The following MYLK3 variants were observed in gnomAD, a reference collection of about 807,000 sequenced individuals.
MYLK3 encodes the protein myosin light chain kinase 3.
MYLK3 carries 55 observed loss-of-function variants against 76.3 expected under a neutral mutation model. The observed-to-expected ratio is 0.72, with a 90% confidence interval of 0.58 to 0.90. MYLK3 has a LOEUF of 0.90. Among genes scored for constraint, MYLK3 ranks in the 40% least tolerant of loss-of-function variants. The probability of loss-of-function intolerance (pLI) is 0.00; values close to 1 mark genes in which losing one functional copy is unlikely to be tolerated. For missense variants in MYLK3, 973 were observed against 1,053.6 expected, an observed-to-expected ratio of 0.92 and a Z score of 1.06; for synonymous variants, 416 against 425.4, an observed-to-expected ratio of 0.98 and a Z score of 0.27.
At chr16:46,709,471 G>A in intron 12 of MYLK3, 68 bp downstream of exon 12, 1 of 1,484,428 alleles carries the variant, frequency 6.7e-7, no homozygotes, top group East Asian at 2.3e-5. Flanking sequence ...AGGAAACTTA[G>A]CTACAGTTTT....
intron 1 of MYLK3, among the ~76,000 whole-genome samples, chr16:46,760,016 G>C (rs1468413831): frequency 6.6e-6 from 1 of 152,204 alleles, no homozygotes; most frequent in Non-Finnish European, 1.5e-5. Flanking sequence ...ACATCTTCCA[G>C]CTGCCAATTC....
chr16:46,710,505 G>T, intron 11 of MYLK3, 132 bp downstream of exon 11: 1 of 1,006,168 alleles, frequency 9.9e-7, no homozygotes. Context: ...TTCCAAAGAA[G>T]TAGCAAACTA....
chr16:46,703,935 C>T lies in MYLK3; in HGVS notation c.*3769G>A, dbSNP rs1157625320. On this transcript the variant is annotated 3_prime_UTR_variant, in exon 13 of 13. Coordinates refer to ENST00000394809, the MANE Select transcript of MYLK3 (RefSeq NM_182493.3). ...TTTCTAATTTTATTTAATTTTAATA[C>T]ATGTAAAAGTGGATACTTCAGTTAT... The T allele has an allele frequency of 6.5e-6, 1 of 153,692 alleles. No homozygotes were observed. The highest frequency in any genetic ancestry group is 2.4e-5 in the African/African-American group (1 of 41,442). The allele number at this position is 153,692 out of a possible 1,614,324, so 9.5% of individuals were successfully genotyped here. A position where few individuals can be genotyped will look rare whatever the true frequency, so the allele number is the denominator to read the frequency against.
Position 46,737,718 on chromosome 16 carries a change from G to A in MYLK3, c.994C>T (p.Pro332Ser), listed in dbSNP as rs1338790516. Residue 332 changes from proline (P) to serine (S), a missense_variant, in exon 3 of 13, where the codon CCT becomes TCT. Physicochemically the swap from Pro to Ser is moderately conservative, Grantham distance 74. Around this residue, in one of 2 missense-constraint regions of MYLK3, gnomAD observed 641 missense variants for 637.0 expected, o/e 1.01. Coordinates refer to ENST00000394809, the MANE Select transcript of MYLK3 (RefSeq NM_182493.3). ...ARATHSGGET[P>S]PRISIHIQEM... ...TGGAAGAGCTCCCCTTACCTTGGAGGTGTTTCTCCACCACTGTGGGTTGCC... is the reference window on the plus strand; with the variant it reads ...TGGAAGAGCTCCCCTTACCTTGGAGATGTTTCTCCACCACTGTGGGTTGCC... 6.3e-7 allele frequency: 1 copy of A among 1,595,752 alleles called. No homozygotes were observed. Among genetic ancestry groups the A allele is most frequent in the Non-Finnish European group, 8.6e-7 (1 of 1,167,892 alleles).
At chr16:46,734,296 A>G (rs1567287801) in intron 3 of MYLK3, among the ~76,000 whole-genome samples, 2 of 152,362 alleles carry the variant, frequency 1.3e-5, no homozygotes, top group South Asian at 2.1e-4. Context: ...CACTGTGCTC[A>G]GTGAAATGAG....
chr16:46,710,627 T>C lies in MYLK3; in HGVS notation c.2267+10A>G. On this transcript the variant is annotated intron_variant, in intron 11 of 12. Transcript: ENST00000394809. ...AGAAGGGCCCATGAGTGACAAGCAA[T>C]GAAAGGTACCTCTTCTCTTTGACCA... is the stretch of plus-strand genomic sequence containing the variant. 1 of 1,613,982 alleles carries C rather than the reference T, an allele frequency of 6.2e-7. No individual in the cohort carries two copies. The highest frequency in any genetic ancestry group is 8.5e-7 in the Non-Finnish European group (1 of 1,180,010).
chr16:46,709,757 G>GTCA, intron 11 of MYLK3, 86 bp from the exon 12 acceptor site: 1 of 1,468,768 alleles, frequency 6.8e-7, no homozygotes, highest in Non-Finnish European at 9.3e-7. Context: ...GGAAGCCTGA[G>GTCA]TCAGTGGAAC....
chr16:46,721,508 AG>A (rs1966799604), intron 8 of MYLK3, among the ~76,000 whole-genome samples: 1 of 152,112 alleles, frequency 6.6e-6, no homozygotes, highest in Non-Finnish European at 1.5e-5. Flanking sequence ...CCGGGAATTC[AG>A]GGGTGTTTTG....
In MYLK3 at chr16:46,704,872, C is replaced by G. The variant is rs1180379119; in HGVS notation, c.*2832G>C. ...TATACTCTCTAGCTCCTTCTGGAGG[C>G]TGCCCTCAAAAAACCTTTTAAAGAA... On this transcript the variant is annotated 3_prime_UTR_variant, in exon 13 of 13. Coordinates refer to ENST00000394809, the MANE Select transcript of MYLK3 (RefSeq NM_182493.3). 1 of 152,154 alleles carries G rather than the reference C, an allele frequency of 6.6e-6. No individual in the cohort carries two copies. The highest frequency in any genetic ancestry group is 1.5e-5 in the Non-Finnish European group (1 of 68,014). 9.4% of individuals were successfully genotyped at this position (152,154 alleles called of 1,614,324 possible).
At chr16:46,727,129 C>T in intron 8 of MYLK3, 107 bp downstream of exon 8, 3 of 1,286,530 alleles carry the variant, frequency 2.3e-6, no homozygotes, top group Non-Finnish European at 3.2e-6. Context: ...TGACAGAGAG[C>T]CAGGAATGGA....
chr16:46,737,741 G>T lies in MYLK3; in HGVS notation c.971C>A (p.Ala324Glu), dbSNP rs758112525. The T allele has an allele frequency of 1.7e-5, 27 of 1,608,176 alleles. No homozygotes were observed. The highest frequency in any genetic ancestry group is 2.0e-5 in the Non-Finnish European group (24 of 1,177,418). The stretch of plus-strand genomic sequence containing the variant: ...AGGTGTTTCTCCACCACTGTGGGTT[G>T]CCCTGGCCTGGGCTGGCAGCCCTGG... ...GPPGLPAQAR[A>E]THSGGETPPR... Residue 324 changes from alanine (A) to glutamate (E), a missense_variant, in exon 3 of 13, where the codon GCA (alanine) becomes GAA (glutamate). Physicochemically the swap from Ala to Glu is moderately radical, Grantham distance 107. Transcript: ENST00000394809.
At position 46,732,437 on chromosome 16, in the gene MYLK3, TC is replaced by T; in HGVS notation, c.1232del (p.Gly411GlufsTer2). On this transcript the variant is annotated frameshift_variant, in exon 4 of 13. Coordinates refer to ENST00000394809, the MANE Select transcript of MYLK3 (RefSeq NM_182493.3). LOFTEE classifies it high-confidence loss of function. The part of the protein sequence containing the change: ...SPLQESSSPG[G>X]VKAEEEQRAG... ...CCCTTTGCTCCTCCTCTGCCTTCAC[TC>T]CCCCGGGGCTGCTGCTCTCCTGCAG... 1 of 1,612,750 alleles carries T rather than the reference TC, an allele frequency of 6.2e-7. No homozygotes were observed. Among genetic ancestry groups the T allele is most frequent in the Non-Finnish European group, 8.5e-7 (1 of 1,179,954 alleles).
intron 8 of MYLK3, 114 bp from the exon 9 acceptor site, chr16:46,721,307 G>A: frequency 2.3e-6 from 2 of 873,840 alleles, no homozygotes; most frequent in Non-Finnish European, 1.9e-6. Flanking sequence ...ATGGCTCAGG[G>A]CAGCCCTGCA....
chr16:46,709,458 A>C, intron 12 of MYLK3, 81 bp downstream of exon 12: 1 of 1,398,326 alleles, frequency 7.2e-7, no homozygotes, highest in Non-Finnish European at 9.8e-7. Context: ...AAAAAAAAAG[A>C]AAAGGAAACT....
At chr16:46,729,778 A>G in intron 5 of MYLK3, 91 bp from the exon 6 acceptor site, 1 of 1,110,872 alleles carries the variant, frequency 9.0e-7, no homozygotes, top group Non-Finnish European at 1.4e-6. Context: ...ATCCACACAC[A>G]GGCCATGTGG....
At chr16:46,762,568 T>C (rs1967293062) in intron 1 of MYLK3, among the ~76,000 whole-genome samples, 1 of 152,154 alleles carries the variant, frequency 6.6e-6, no homozygotes, top group Non-Finnish European at 1.5e-5. Context: ...AACATGTCTA[T>C]TTAGCAGCCG....
In MYLK3 at chr16:46,738,087, C is replaced by T. The variant is rs1422965899; in HGVS notation, c.625G>A (p.Ala209Thr). ...GTAERLPPIR[A>T]SGLGADPAQA... ...GCGGGGTCAGCTCCCAGCCCTGACG[C>T]TCTGATGGGGGGCAGCCTCTCCGCT... The change falls in exon 3 of 13, where the codon GCG becomes ACG. Residue 209 changes from alanine to threonine, a missense_variant. By Grantham distance (58) the Ala-to-Thr change is moderately conservative (BLOSUM62 0). Around this residue, in one of 2 missense-constraint regions of MYLK3, gnomAD observed 641 missense variants for 637.0 expected, o/e 1.01. Transcript: ENST00000394809. 3.1e-6 allele frequency: 5 copies of T among 1,595,136 alleles called. No individual in the cohort carries two copies. The highest frequency in any genetic ancestry group is 1.1e-5 in the South Asian group (1 of 89,992).
At chr16:46,729,164 C>T (rs1452175380) in intron 6 of MYLK3, 31 bp from the exon 7 acceptor site, 4 of 1,564,938 alleles carry the variant, frequency 2.6e-6, no homozygotes, top group Admixed American at 3.3e-5. Flanking sequence ...GAAGGATTTC[C>T]AAGCGAATGA....
At chr16:46,727,965 T>C (rs1966845860) in intron 7 of MYLK3, among the ~76,000 whole-genome samples, 2 of 152,246 alleles carry the variant, frequency 1.3e-5, no homozygotes, top group African/African-American at 2.4e-5. Flanking sequence ...TGGATGATTC[T>C]GACCAGGGCT....
Sources: allele counts gnomAD v4.1 joint callset (sites outside exome capture counted in the v4.1 genomes callset), GRCh38; gene constraint gnomAD v4.1.1; regional missense constraint gnomAD v4.1.1; transcripts MANE v1.5; gene names NCBI Gene and HGNC (gene_info 2026-07-23, HGNC 2026-07-21).